FGFR3: variants seen among roughly 807,000 people sequenced by gnomAD.
FGFR3 encodes FGFR-3.
In FGFR3, 25 loss-of-function variants were observed where a neutral mutation model predicts 82.9. The ratio of observed to expected loss-of-function variants is 0.30; its 90% confidence interval spans 0.22 to 0.42. The LOEUF (loss-of-function observed/expected upper bound fraction) is 0.42. Among genes scored for constraint, FGFR3 ranks in the 10% least tolerant of loss-of-function variants. FGFR3 has a pLI of 1.00. For synonymous variants in FGFR3, 620 were observed against 516.0 expected (o/e 1.20, Z -2.73); for missense variants, 1,026 against 1,161.0 (o/e 0.88, Z 1.69).
intron 16 of FGFR3, 44 bp from the exon 17 acceptor site, chr4:1,806,785 A>C (rs2108813630): frequency 1.3e-6 from 2 of 1,593,980 alleles, no homozygotes; most frequent in Non-Finnish European, 1.7e-6. Context: ...TTCCCGAATA[A>C]GGCGGGAAGC....
chr4:1,799,390 G>T lies in FGFR3; in HGVS notation c.246G>T (p.Val82=), dbSNP rs890778686. ...GGGTCAAGGATGGCACAGGGCTGGT[G>T]CCCTCGGAGCGTGTCCTGGTGGGGC... The part of the protein sequence containing the change: ...TVWVKDGTGL[V]PSERVLVGPQ... The change falls in exon 3 of 18, where the codon GTG becomes GTT. Residue 82 remains valine, a synonymous_variant. Coordinates refer to ENST00000440486, the MANE Select transcript of FGFR3 (RefSeq NM_000142.5). 2 of 1,612,446 alleles carry T rather than the reference G, an allele frequency of 1.2e-6. No homozygotes were observed. Among genetic ancestry groups the T allele is most frequent in the Non-Finnish European group, 1.7e-6 (2 of 1,179,834 alleles).
rs141943427 is a variant in FGFR3 at position 1,796,199 on chromosome 4, C to T, written c.109+2156C>T. On this transcript the variant is annotated intron_variant, in intron 2 of 17. Coordinates refer to ENST00000440486, the MANE Select transcript of FGFR3 (RefSeq NM_000142.5). ...GGGGTCAGCCTGGACCTCTAGGCTGCCAGCTCAGGCTCGGGTGCCCTCTTC... is the reference window on the plus strand; with the variant it reads ...GGGGTCAGCCTGGACCTCTAGGCTGTCAGCTCAGGCTCGGGTGCCCTCTTC... Among the ~76,000 whole-genome samples the T allele has an allele frequency of 3.0e-3, 453 of 152,280 alleles. 1 individual carries two copies. Among genetic ancestry groups the T allele is most frequent in the Non-Finnish European group, 4.9e-3 (331 of 68,008 alleles).
intron 7 of FGFR3, among the ~76,000 whole-genome samples, chr4:1,803,467 A>G (rs1169875501): frequency 1.3e-5 from 2 of 152,186 alleles, no homozygotes; most frequent in Non-Finnish European, 2.9e-5. Flanking sequence ...CCTGCCGCTC[A>G]CCTGGGACAG....
At chr4:1,794,974 G>A (rs1245282888) in intron 2 of FGFR3, among the ~76,000 whole-genome samples, 1 of 151,748 alleles carries the variant, frequency 6.6e-6, no homozygotes, top group East Asian at 1.9e-4. Flanking sequence ...TGGCGGCTCG[G>A]CGGCTCGCGG....
At chr4:1,796,854 C>G (rs1577260954) in intron 2 of FGFR3, among the ~76,000 whole-genome samples, 1 of 152,200 alleles carries the variant, frequency 6.6e-6, no homozygotes, top group Non-Finnish European at 1.5e-5. Context: ...GCTCCTGGGC[C>G]TGTGGGGTGG....
In FGFR3 at chr4:1,807,613, C is replaced by T. The variant is rs938911974; in HGVS notation, c.*351C>T. On this transcript the variant is annotated 3_prime_UTR_variant, in exon 18 of 18. Coordinates refer to ENST00000440486, the MANE Select transcript of FGFR3 (RefSeq NM_000142.5). ...CCGTGGGGCAGGGAGCTGGGCCCGA[C>T]ATGGCTCCGGCCTCTGCCTTTGCAC... The T allele has an allele frequency of 1.5e-6, 1 of 663,922 alleles. No homozygotes were observed. The highest frequency in any genetic ancestry group is 1.7e-5 in the African/African-American group (1 of 57,578). The allele number at this position is 663,922 out of a possible 1,614,324, so 41.1% of individuals were successfully genotyped here. A position where few individuals can be genotyped will look rare whatever the true frequency, so the allele number is the denominator to read the frequency against.
rs750902567 is a variant in FGFR3 at position 1,799,831 on chromosome 4, G to A, written c.445+19G>A. On this transcript the variant is annotated intron_variant, in intron 4 of 17. Transcript: ENST00000440486. ...GACACAGGTAGGAGCAGGGTCCAGG[G>A]TTCAGGCCAGCCGGGGTGGGGCCCG... 2 of 1,611,932 alleles carry A rather than the reference G, an allele frequency of 1.2e-6. No individual in the cohort carries two copies. Among genetic ancestry groups the A allele is most frequent in the Non-Finnish European group, 1.7e-6 (2 of 1,179,586 alleles).
chr4:1,795,878 C>T (rs1375543994), intron 2 of FGFR3, among the ~76,000 whole-genome samples: 4 of 152,196 alleles, frequency 2.6e-5, no homozygotes, highest in African/African-American at 7.2e-5. Context: ...GACTTTGAGC[C>T]GCGTGGGCCT....
rs753846438 is a variant in FGFR3 at position 1,805,815 on chromosome 4, C to A, written c.1711C>A (p.Arg571=). ...CCTGCGGGAGTTTCTGCGGGCGCGG[C>A]GGCCCCCGGGCCTGGACTACTCCTT... The part of the protein sequence containing the change: ...GNLREFLRAR[R]PPGLDYSFDT... Residue 571 remains arginine (R), a synonymous_variant, in exon 13 of 18, where the codon CGG becomes AGG. Coordinates refer to ENST00000440486, the MANE Select transcript of FGFR3 (RefSeq NM_000142.5). The A allele has an allele frequency of 6.2e-7, 1 of 1,612,350 alleles. No homozygotes were observed.
intron 2 of FGFR3, 71 bp downstream of exon 2, chr4:1,794,114 C>T: frequency 2.1e-6 from 2 of 962,242 alleles, no homozygotes; most frequent in Admixed American, 4.3e-5. Context: ...CGGGAACCGG[C>T]CCCGGGTCGG....
At position 1,807,344 on chromosome 4, in the gene FGFR3, C is replaced by G. The variant is rs1722073802; in HGVS notation, c.*82C>G. Reference sequence around the variant, plus strand: ...TGCACAGCCACTCCCCGGCATGAGACTCAGTGCAGATGGAGAGACAGCTAC... The same window carrying G: ...TGCACAGCCACTCCCCGGCATGAGAGTCAGTGCAGATGGAGAGACAGCTAC... On this transcript the variant is annotated 3_prime_UTR_variant, in exon 18 of 18. Transcript: ENST00000440486. 1.3e-6 allele frequency: 2 copies of G among 1,519,724 alleles called. No homozygotes were observed. The highest frequency in any genetic ancestry group is 1.8e-6 in the Non-Finnish European group (2 of 1,129,978). The allele number at this position is 1,519,724 out of a possible 1,614,324, so 94.1% of individuals were successfully genotyped here. A position where few individuals can be genotyped will look rare whatever the true frequency, so the allele number is the denominator to read the frequency against.
At chr4:1,794,883 C>A (rs530554440) in intron 2 of FGFR3, among the ~76,000 whole-genome samples, 1 of 151,586 alleles carries the variant, frequency 6.6e-6, no homozygotes, top group Non-Finnish European at 1.5e-5. Flanking sequence ...GGCCTTGGCC[C>A]GGTGAGCTCG....
chr4:1,808,779 G>A lies in FGFR3; in HGVS notation c.*1517G>A. On this transcript the variant is annotated 3_prime_UTR_variant, in exon 18 of 18. Coordinates refer to ENST00000440486, the MANE Select transcript of FGFR3 (RefSeq NM_000142.5). ...GGTCTCTTCTTGGGGCCCAGTGCAT[G>A]GTGGCCAGAGGTGTCACCCAAACCG... The A allele has an allele frequency of 4.3e-6, 1 of 231,458 alleles. No individual in the cohort carries two copies. Among genetic ancestry groups the A allele is most frequent in the Non-Finnish European group, 8.6e-6 (1 of 116,788 alleles). The allele number at this position is 231,458 out of a possible 1,614,324, so 14.3% of individuals were successfully genotyped here.
Position 1,805,693 on chromosome 4 carries a change from G to GCCGGCTGGGCGGC in FGFR3, c.1645+27_1645+39dup, listed in dbSNP as rs753092073. ...CGGTAGGTGCGGTAGCGGCGGTGGT[G>GCCGGCTGGGCGGC]CCGGCTGGGCGGCCCTCCTGGGCCT... On this transcript the variant is annotated intron_variant, in intron 12 of 17. Coordinates refer to ENST00000440486, the MANE Select transcript of FGFR3 (RefSeq NM_000142.5). 11 of 1,611,252 alleles carry GCCGGCTGGGCGGC rather than the reference G, an allele frequency of 6.8e-6. No homozygotes were observed. The East Asian group carries it at 1.1e-4, about 16-fold the overall frequency.
chr4:1,800,656 G>A (rs1218771800), intron 4 of FGFR3, among the ~76,000 whole-genome samples: 1 of 152,136 alleles, frequency 6.6e-6, no homozygotes, highest in East Asian at 1.9e-4. Flanking sequence ...GCCCCTGATG[G>A]GCGTGTGCCT....
chr4:1,796,497 T>C (rs1423277426), intron 2 of FGFR3, among the ~76,000 whole-genome samples: 1 of 152,066 alleles, frequency 6.6e-6, no homozygotes, highest in African/African-American at 2.4e-5. Flanking sequence ...CCAGAATGTG[T>C]TGTTTCCTGA....
In FGFR3 at chr4:1,803,687, T is replaced by C. The variant is rs763779274; in HGVS notation, c.931-5T>C. 5 of 1,613,476 alleles carry C rather than the reference T, an allele frequency of 3.1e-6. No homozygotes were observed. In the Admixed American group the frequency reaches 8.3e-5, roughly 27 times the overall value. On this transcript the variant is annotated splice_region_variant and splice_polypyrimidine_tract_variant and intron_variant, in intron 7 of 17. Coordinates refer to ENST00000440486, the MANE Select transcript of FGFR3 (RefSeq NM_000142.5). ...CTCGCCTATCGCTCTGCTCTCTCTTTGTAGACGGCGGGCGCTAACACCACC... is the reference window on the plus strand; with the variant it reads ...CTCGCCTATCGCTCTGCTCTCTCTTCGTAGACGGCGGGCGCTAACACCACC...
Position 1,799,851 on chromosome 4 carries a change from G to A in FGFR3, c.445+39G>A, listed in dbSNP as rs554428127. On this transcript the variant is annotated intron_variant, in intron 4 of 17. Transcript: ENST00000440486. ...CCAGGGTTCAGGCCAGCCGGGGTGGGGCCCGCTGCCACCGCCAAGCCCTGC... is the reference window on the plus strand; with the variant it reads ...CCAGGGTTCAGGCCAGCCGGGGTGGAGCCCGCTGCCACCGCCAAGCCCTGC... The A allele has an allele frequency of 1.1e-5, 17 of 1,605,296 alleles. No individual in the cohort carries two copies. The South Asian group carries it at 1.9e-4, about 18-fold the overall frequency.
intron 2 of FGFR3, 89 bp from the exon 3 acceptor site, chr4:1,799,165 C>A (rs974946942): frequency 6.3e-7 from 1 of 1,587,822 alleles, no homozygotes; most frequent in Non-Finnish European, 8.6e-7. Flanking sequence ...GCCTTCCTCA[C>A]TCAGGGCCGC....
Sources: gnomAD v4.1 joint callset for allele counts (sites outside exome capture counted in the v4.1 genomes callset) on GRCh38, gnomAD v4.1.1 for gene constraint, MANE v1.5 for transcripts, NCBI Gene and HGNC (gene_info 2026-07-23, HGNC 2026-07-21) for gene names.